The following POU2F2 variants were observed in gnomAD, a reference collection of about 807,000 sequenced individuals.
POU2F2 encodes the protein POU class 2 homeobox 2.
POU2F2 carries 14 observed loss-of-function variants against 63.5 expected under a neutral mutation model. That is an observed-to-expected ratio of 0.22 (90% CI 0.15 to 0.34). POU2F2 has a LOEUF of 0.34. POU2F2 is among the 10% of genes least tolerant of loss of function. POU2F2 has a pLI of 1.00. For missense variants in POU2F2, 607 were observed against 815.2 expected (o/e 0.74, Z 3.11); for synonymous variants, 306 against 348.6 (o/e 0.88, Z 1.36).
At chr19:42,105,482 A>G (rs1297799609) in intron 5 of POU2F2, among the ~76,000 whole-genome samples, 1 of 152,156 alleles carries the variant, frequency 6.6e-6, no homozygotes, top group Non-Finnish European at 1.5e-5. Flanking sequence ...TGTTGATTAA[A>G]GTATTTGTTA....
chr19:42,087,736 T>C lies in POU2F2; in HGVS notation c.*3521A>G, dbSNP rs985648089. On this transcript the variant is annotated 3_prime_UTR_variant, in exon 15 of 15. Transcript: ENST00000692977. ...CCCACTGCTCCAACCCACTCATCTCTCCTCTCTTTCTAGCCCAGGCCCTTG... is the reference window on the plus strand; with the variant it reads ...CCCACTGCTCCAACCCACTCATCTCCCCTCTCTTTCTAGCCCAGGCCCTTG... 4 of 151,538 alleles carry C rather than the reference T, an allele frequency of 2.6e-5. No homozygotes were observed. Among genetic ancestry groups the C allele is most frequent in the African/African-American group, 9.7e-5 (4 of 41,108 alleles). 9.4% of individuals were successfully genotyped at this position (151,538 alleles called of 1,614,324 possible).
At chr19:42,193,991 G>A (rs561477255) in intron 1 of POU2F2, among the ~76,000 whole-genome samples, 21 of 152,270 alleles carry the variant, frequency 1.4e-4, no homozygotes, top group South Asian at 6.2e-4. Flanking sequence ...ACAACGCTGG[G>A]TAAAGGAAAC....
intron 12 of POU2F2, chr19:42,093,477 G>T: frequency 4.5e-6 from 1 of 224,482 alleles, no homozygotes; most frequent in East Asian, 9.2e-5. Context: ...ATCTTTTTAT[G>T]TTTTACACAT....
At chr19:42,181,077 A>G (rs2034954784) in intron 1 of POU2F2, among the ~76,000 whole-genome samples, 1 of 152,198 alleles carries the variant, frequency 6.6e-6, no homozygotes. Context: ...TATCCAGAAT[A>G]TCCATATTAA....
Position 42,086,988 on chromosome 19 carries a change from G to A in POU2F2, c.*4269C>T, listed in dbSNP as rs1408844447. 6.6e-6 allele frequency: 1 copy of A among 152,034 alleles called. No individual in the cohort carries two copies. The highest frequency in any genetic ancestry group is 1.9e-4 in the East Asian group (1 of 5,200). The allele number at this position is 152,034 out of a possible 1,614,324, so 9.4% of individuals were successfully genotyped here. On this transcript the variant is annotated 3_prime_UTR_variant, in exon 15 of 15. Coordinates refer to ENST00000692977, the MANE Select transcript of POU2F2 (RefSeq NM_001394376.1). ...TTTCTTTGTTTCCGCCTTTGTCATC[G>A]TCGTCTTGCTTTGGAGACTGCTGAG...
At chr19:42,121,001 C>G (rs981590503) in intron 4 of POU2F2, among the ~76,000 whole-genome samples, 1 of 152,088 alleles carries the variant, frequency 6.6e-6, no homozygotes, top group Non-Finnish European at 1.5e-5. Context: ...AGAAACAGGG[C>G]GTACAGGGCG....
At chr19:42,091,626 T>C (rs1271865096) in intron 14 of POU2F2, 35 bp from the exon 15 acceptor site, 2 of 1,541,534 alleles carry the variant, frequency 1.3e-6, no homozygotes, top group Middle Eastern at 1.7e-4. Context: ...GCTAAGGGCA[T>C]GCCGGGCCAG....
chr19:42,165,318 A>G (rs1255580333), intron 1 of POU2F2, among the ~76,000 whole-genome samples: 4 of 152,208 alleles, frequency 2.6e-5, no homozygotes, highest in African/African-American at 9.7e-5. Context: ...GCGGGGTAGT[A>G]CCAAGCCAAA....
At chr19:42,112,409 G>A (rs1465347911) in intron 5 of POU2F2, among the ~76,000 whole-genome samples, 1 of 152,122 alleles carries the variant, frequency 6.6e-6, no homozygotes, top group African/African-American at 2.4e-5. Context: ...TCACTCTGTT[G>A]CCCAGGCTGG....
chr19:42,197,362 A>G (rs542642589), upstream of POU2F2, among the ~76,000 whole-genome samples: 1 of 152,304 alleles, frequency 6.6e-6, no homozygotes, highest in South Asian at 2.1e-4. Flanking sequence ...CCTCCCAGAG[A>G]GGGTCAAGGC....
At chr19:42,099,504 G>A in intron 7 of POU2F2, 23 bp downstream of exon 7, 1 of 1,578,230 alleles carries the variant, frequency 6.3e-7, no homozygotes, top group Non-Finnish European at 8.7e-7. Context: ...GCCTGGCCTG[G>A]TGCACTCAAT....
At chr19:42,137,860 G>A (rs1267060125) in intron 2 of POU2F2, among the ~76,000 whole-genome samples, 2 of 152,236 alleles carry the variant, frequency 1.3e-5, no homozygotes, top group African/African-American at 4.8e-5. Flanking sequence ...TCCAGGCAAT[G>A]GGAACAGAGG....
intron 3 of POU2F2, 80 bp downstream of exon 3, chr19:42,122,263 AC>A: frequency 7.0e-7 from 1 of 1,437,034 alleles, no homozygotes; most frequent in East Asian, 2.4e-5. Flanking sequence ...CTGCCCTCCT[AC>A]CATAGGCGGC....
At position 42,169,831 on chromosome 19, in the gene POU2F2, C is replaced by T. The variant is rs1052237888; in HGVS notation, c.-70+6132G>A. Reference sequence around the variant, plus strand: ...TGTGTCTTTCTTCCCCTCGCTGCTGCGCCTTCCCAGTCTGGATGAGTACCT... The same window carrying T: ...TGTGTCTTTCTTCCCCTCGCTGCTGTGCCTTCCCAGTCTGGATGAGTACCT... On this transcript the variant is annotated intron_variant, in intron 1 of 6. Transcript: ENST00000524801. The surrounding 1 kb of genome is among the most constrained non-coding windows in gnomAD (Gnocchi z 4.3). Among the ~76,000 whole-genome samples, 8 of 152,018 alleles carry T rather than the reference C, an allele frequency of 5.3e-5. No individual in the cohort carries two copies. Among genetic ancestry groups the T allele is most frequent in the Non-Finnish European group, 8.8e-5 (6 of 67,996 alleles).
intron 1 of POU2F2, among the ~76,000 whole-genome samples, chr19:42,172,945 G>T (rs1465238802): frequency 6.6e-6 from 1 of 152,228 alleles, no homozygotes; most frequent in Non-Finnish European, 1.5e-5. Context: ...GGACAGACAA[G>T]GCTCGGTATG....
In POU2F2 at chr19:42,092,559, A is replaced by G. The variant is rs764010924; in HGVS notation, c.1265-289T>C. ...TTACCGACTAGAAACGGGGGTGCCC[A>G]GGAGACAAAGCCCTATGGCTCCCTC... is the stretch of plus-strand genomic sequence containing the variant. On this transcript the variant is annotated intron_variant, in intron 12 of 14. Coordinates refer to ENST00000692977, the MANE Select transcript of POU2F2 (RefSeq NM_001394376.1). This position sits in a 1 kb window ranked among gnomAD's most constrained non-coding sequence, Gnocchi z 5.0. Among the ~76,000 whole-genome samples the G allele has an allele frequency of 1.3e-5, 2 of 152,224 alleles. No homozygotes were observed. The highest frequency in any genetic ancestry group is 2.9e-5 in the Non-Finnish European group (2 of 68,044).
At chr19:42,191,459 T>C (rs769625127) in intron 1 of POU2F2, among the ~76,000 whole-genome samples, 3 of 152,180 alleles carry the variant, frequency 2.0e-5, no homozygotes, top group Non-Finnish European at 2.9e-5. Context: ...CACAGCTTCC[T>C]GCTGCCTTCA....
At position 42,089,635 on chromosome 19, in the gene POU2F2, G is replaced by A. The variant is rs2076651458; in HGVS notation, c.*1622C>T. ...ATCCGCCTTGGGGAACAAGGGCCTG[G>A]ACCACCGGTGCAGGGGCTTGGCTCC... On this transcript the variant is annotated 3_prime_UTR_variant, in exon 15 of 15. Coordinates refer to ENST00000692977, the MANE Select transcript of POU2F2 (RefSeq NM_001394376.1). The A allele has an allele frequency of 6.6e-6, 1 of 151,698 alleles. No homozygotes were observed. The highest frequency in any genetic ancestry group is 6.6e-5 in the Admixed American group (1 of 15,210). The allele number at this position is 151,698 out of a possible 1,614,324, so 9.4% of individuals were successfully genotyped here.
At chr19:42,150,206 C>T (rs2034313468) in intron 2 of POU2F2, among the ~76,000 whole-genome samples, 1 of 152,036 alleles carries the variant, frequency 6.6e-6, no homozygotes, top group African/African-American at 2.4e-5. Flanking sequence ...CATCCCTGTG[C>T]CCCCCAAGAC....
Sources: gnomAD v4.1 joint callset for allele counts (sites outside exome capture counted in the v4.1 genomes callset) on GRCh38, gnomAD v4.1.1 for gene constraint, Gnocchi (gnomAD v3.1) non-coding constraint, MANE v1.5 for transcripts, NCBI Gene and HGNC (gene_info 2026-07-23, HGNC 2026-07-21) for gene names.